The following ZC2HC1C variants were observed in gnomAD, a reference collection of about 807,000 sequenced individuals.
The protein encoded by ZC2HC1C is zinc finger C2HC-type containing 1C.
ZC2HC1C carries 25 observed loss-of-function variants against 39.2 expected under a neutral mutation model. The observed-to-expected ratio is 0.64, with a 90% CI of 0.47 to 0.89. The LOEUF is 0.89. ZC2HC1C is among the 40% of genes least tolerant of loss of function. ZC2HC1C has a pLI of 0.00. For synonymous variants in ZC2HC1C, 209 were observed against 214.4 expected (o/e 0.97, Z 0.22); for missense variants, 519 against 548.6 (o/e 0.95, Z 0.54).
At position 75,079,363 on chromosome 14, in the gene ZC2HC1C, C is replaced by T. The variant is rs551313615; in HGVS notation, c.*1799C>T. The T allele has an allele frequency of 2.6e-5, 4 of 152,222 alleles. No homozygotes were observed. Among genetic ancestry groups the T allele is most frequent in the Admixed American group, 2.0e-4 (3 of 15,284 alleles). 9.4% of individuals were successfully genotyped at this position (152,222 alleles called of 1,614,324 possible). A position where few individuals can be genotyped will look rare whatever the true frequency, so the allele number is the denominator to read the frequency against. On this transcript the variant is annotated 3_prime_UTR_variant, in exon 3 of 3. Coordinates refer to ENST00000524913, the MANE Select transcript of ZC2HC1C (RefSeq NM_024643.4). ...AAATAGGAGCACACATTTCTTTGCA[C>T]TCTTTTTAATTGTTCCAAAGGAAAG...
At chr14:75,075,681 G>C (rs1429667357) in intron 2 of ZC2HC1C, among the ~76,000 whole-genome samples, 1 of 152,042 alleles carries the variant, frequency 6.6e-6, no homozygotes, top group Non-Finnish European at 1.5e-5. Context: ...TACAATAATT[G>C]TGCTAGATAC....
rs1255147004 is a variant in ZC2HC1C at position 75,078,474 on chromosome 14, CT to C, written c.*911del. ...GGGGGGAAACACATTATACTTCTCT[CT>C]ACTTGTTCTTTTCTAATGGGTTTCA... On this transcript the variant is annotated 3_prime_UTR_variant, in exon 3 of 3. Coordinates refer to ENST00000524913, the MANE Select transcript of ZC2HC1C (RefSeq NM_024643.4). 11 of 152,106 alleles carry C rather than the reference CT, an allele frequency of 7.2e-5. No homozygotes were observed. Among genetic ancestry groups the C allele is most frequent in the African/African-American group, 2.2e-4 (9 of 41,408 alleles). The allele number at this position is 152,106 out of a possible 1,614,324, so 9.4% of individuals were successfully genotyped here.
At position 75,071,849 on chromosome 14, in the gene ZC2HC1C, G is replaced by A. The variant is rs377100355; in HGVS notation, c.1276G>A (p.Ala426Thr). 51 of 1,613,848 alleles carry A rather than the reference G, an allele frequency of 3.2e-5. No individual in the cohort carries two copies. The highest frequency in any genetic ancestry group is 4.0e-5 in the Non-Finnish European group (47 of 1,179,920). ...GAGGAAAGTGTTTGACTCCTCCAGG[G>A]CCCGGGCTAAGGGCACAGAACTAGA... ...SKRKVFDSSR[A>T]RAKGTELEQY... is the part of the protein sequence containing the mutation. The change falls in exon 2 of 3, where the codon GCC (alanine) becomes ACC (threonine). Residue 426 changes from alanine (A) to threonine (T), a missense_variant. By Grantham distance (58) the Ala-to-Thr change is moderately conservative. Coordinates refer to ENST00000524913, the MANE Select transcript of ZC2HC1C (RefSeq NM_024643.4).
intron 2 of ZC2HC1C, among the ~76,000 whole-genome samples, chr14:75,075,141 G>A (rs764917373): frequency 2.0e-5 from 3 of 152,014 alleles, no homozygotes; most frequent in African/African-American, 7.3e-5. Context: ...CCCCCGCAAC[G>A]ATCCATCTGA....
chr14:75,071,683 G>A lies in ZC2HC1C; in HGVS notation c.1110G>A (p.Leu370=). The part of the protein sequence containing the change: ...ALQGSARNSS[L]SMAPDSSGSS... ...AGGGATCCGCCAGAAATTCCAGCCT[G>A]TCCATGGCACCAGACTCCTCAGGTT... The change falls in exon 2 of 3, where the codon CTG becomes CTA. Residue 370 remains leucine, a synonymous_variant. Coordinates refer to ENST00000524913, the MANE Select transcript of ZC2HC1C (RefSeq NM_024643.4). 6.2e-7 allele frequency: 1 copy of A among 1,614,186 alleles called. No individual in the cohort carries two copies. Among genetic ancestry groups the A allele is most frequent in the Non-Finnish European group, 8.5e-7 (1 of 1,180,032 alleles).
In ZC2HC1C at chr14:75,079,577, A is replaced by G. The variant is rs910663442; in HGVS notation, c.*2013A>G. ...CTGTGGCCAAGGTCACAAAATGGCA[A>G]CATGTGGATTGCTTTGCTCCACAGA... On this transcript the variant is annotated 3_prime_UTR_variant, in exon 3 of 3. Coordinates refer to ENST00000524913, the MANE Select transcript of ZC2HC1C (RefSeq NM_024643.4). 6.6e-6 allele frequency: 1 copy of G among 152,264 alleles called. No individual in the cohort carries two copies. The highest frequency in any genetic ancestry group is 2.4e-5 in the African/African-American group (1 of 41,468). 9.4% of individuals were successfully genotyped at this position (152,264 alleles called of 1,614,324 possible). A position where few individuals can be genotyped will look rare whatever the true frequency, so the allele number is the denominator to read the frequency against.
In ZC2HC1C at chr14:75,071,213, C is replaced by T. The variant is rs1347537718; in HGVS notation, c.640C>T (p.Arg214Ter). 7 of 1,613,908 alleles carry T rather than the reference C, an allele frequency of 4.3e-6. No individual in the cohort carries two copies. The highest frequency in any genetic ancestry group is 2.7e-5 in the African/African-American group (2 of 74,866). The change falls in exon 2 of 3, where the codon CGA becomes TGA. Residue 214 changes from arginine to a stop codon, truncating the protein, a stop_gained. Transcript: ENST00000524913. LOFTEE classifies it high-confidence loss of function. ...TGACAGGACGGAGTGGGTGCAGATC[C>T]GAAGACTAGAAGCTGCAGGGGAGAG... The part of the protein sequence containing the change: ...NFDRTEWVQI[R>*]RLEAAGESLE...
At chr14:75,070,130 G>A (rs1247144671) in intron 1 of ZC2HC1C, among the ~76,000 whole-genome samples, 1 of 152,170 alleles carries the variant, frequency 6.6e-6, no homozygotes, top group Non-Finnish European at 1.5e-5. Flanking sequence ...TTTCTCACCT[G>A]TAAAATGGTG....
chr14:75,070,986 C>T lies in ZC2HC1C; in HGVS notation c.413C>T (p.Ala138Val), dbSNP rs752307437. 40 of 1,614,016 alleles carry T rather than the reference C, an allele frequency of 2.5e-5. No homozygotes were observed. Among genetic ancestry groups the T allele is most frequent in the Non-Finnish European group, 3.2e-5 (38 of 1,180,030 alleles). Residue 138 changes from alanine to valine, a missense_variant, in exon 2 of 3, where the codon GCG (alanine) becomes GTG (valine). Coordinates refer to ENST00000524913, the MANE Select transcript of ZC2HC1C (RefSeq NM_024643.4). ...AAGAAACGAGTTGGAGTGGACCGGG[C>T]GTTCCCATTGAAACCCATGGTCCAC... is the stretch of plus-strand genomic sequence containing the variant. Reference protein sequence around the residue: ...FTKKRVGVDRAFPLKPMVHRK... With the variant: ...FTKKRVGVDRVFPLKPMVHRK...
chr14:75,077,065 A>G (rs1893706483), intron 2 of ZC2HC1C, among the ~76,000 whole-genome samples: 1 of 152,156 alleles, frequency 6.6e-6, no homozygotes, highest in Non-Finnish European at 1.5e-5. Context: ...ATAATTTGGT[A>G]TGTACACTTG....
At position 75,071,851 on chromosome 14, in the gene ZC2HC1C, C is replaced by T. The variant is rs369811000; in HGVS notation, c.1278C>T (p.Ala426=). 5 of 1,613,752 alleles carry T rather than the reference C, an allele frequency of 3.1e-6. No individual in the cohort carries two copies. Among genetic ancestry groups the T allele is most frequent in the South Asian group, 1.1e-5 (1 of 91,036 alleles). ...GGAAAGTGTTTGACTCCTCCAGGGCCCGGGCTAAGGGCACAGAACTAGAGC... is the reference window on the plus strand; with the variant it reads ...GGAAAGTGTTTGACTCCTCCAGGGCTCGGGCTAAGGGCACAGAACTAGAGC... ...SKRKVFDSSR[A]RAKGTELEQY... is the part of the protein sequence containing the mutation. The change falls in exon 2 of 3, where the codon GCC becomes GCT. Residue 426 remains alanine, a synonymous_variant. Coordinates refer to ENST00000524913, the MANE Select transcript of ZC2HC1C (RefSeq NM_024643.4).
chr14:75,074,421 T>C (rs1047683165), intron 2 of ZC2HC1C, among the ~76,000 whole-genome samples: 1 of 152,220 alleles, frequency 6.6e-6, no homozygotes, highest in African/African-American at 2.4e-5. Context: ...AAAAAACATG[T>C]AGTACTGAAT....
At chr14:75,073,137 T>C (rs549692300) in intron 2 of ZC2HC1C, among the ~76,000 whole-genome samples, 8 of 152,356 alleles carry the variant, frequency 5.3e-5, no homozygotes, top group Admixed American at 3.9e-4. Context: ...GAAGAAATTG[T>C]TTACAATTAG....
At position 75,079,444 on chromosome 14, in the gene ZC2HC1C, G is replaced by T. The variant is rs1212314374; in HGVS notation, c.*1880G>T. 1 of 152,134 alleles carries T rather than the reference G, an allele frequency of 6.6e-6. No individual in the cohort carries two copies. Among genetic ancestry groups the T allele is most frequent in the African/African-American group, 2.4e-5 (1 of 41,406 alleles). The allele number at this position is 152,134 out of a possible 1,614,324, so 9.4% of individuals were successfully genotyped here. On this transcript the variant is annotated 3_prime_UTR_variant, in exon 3 of 3. Transcript: ENST00000524913. ...GCCCCTTAAGGAAACCTCACACAGA[G>T]ATAATGGATATTTAACCTAATAGGT...
rs1291015353 is a variant in ZC2HC1C, at chr14:75,077,899, C to G, written c.*335C>G. On this transcript the variant is annotated 3_prime_UTR_variant, in exon 3 of 3. Coordinates refer to ENST00000524913, the MANE Select transcript of ZC2HC1C (RefSeq NM_024643.4). ...CAAAGCAGAAAGAAATCAAACAGCTCCCAGATCTGCCTGCAGAGCTAAAAT... is the reference window on the plus strand; with the variant it reads ...CAAAGCAGAAAGAAATCAAACAGCTGCCAGATCTGCCTGCAGAGCTAAAAT... 4 of 273,980 alleles carry G rather than the reference C, an allele frequency of 1.5e-5. No individual in the cohort carries two copies. Among genetic ancestry groups the G allele is most frequent in the Non-Finnish European group, 2.8e-5 (4 of 142,582 alleles). The allele number at this position is 273,980 out of a possible 1,614,324, so 17.0% of individuals were successfully genotyped here.
intron 1 of ZC2HC1C, chr14:75,070,079 C>CT (rs1193911972): frequency 6.3e-6 from 1 of 158,082 alleles, no homozygotes; most frequent in African/African-American, 2.4e-5. Context: ...GAGGGAAGCC[C>CT]TGAGAGTTCT....
intron 2 of ZC2HC1C, among the ~76,000 whole-genome samples, chr14:75,075,126 T>C (rs1893609160): frequency 1.3e-5 from 2 of 152,220 alleles, no homozygotes; most frequent in African/African-American, 2.4e-5. Context: ...TACCTGTCTT[T>C]TTCTCCCCCG....
intron 2 of ZC2HC1C, among the ~76,000 whole-genome samples, chr14:75,075,197 T>A (rs1346403526): frequency 3.9e-5 from 6 of 152,226 alleles, no homozygotes; most frequent in Non-Finnish European, 5.9e-5. Context: ...ACACCTCTCA[T>A]AATCTATCAG....
At chr14:75,075,351 C>G (rs1893619888) in intron 2 of ZC2HC1C, among the ~76,000 whole-genome samples, 1 of 152,172 alleles carries the variant, frequency 6.6e-6, no homozygotes, top group South Asian at 2.1e-4. Flanking sequence ...TCCTCTGTTT[C>G]CAGCATCCTG....
Sources: gnomAD v4.1 joint callset for allele counts (sites outside exome capture counted in the v4.1 genomes callset) on GRCh38, gnomAD v4.1.1 for gene constraint, MANE v1.5 for transcripts, NCBI Gene and HGNC (gene_info 2026-07-23, HGNC 2026-07-21) for gene names.